Variants in ROBO2 observed in about 807,000 individuals in gnomAD.
The protein encoded by ROBO2 is roundabout guidance receptor 2.
In ROBO2, 53 loss-of-function variants were observed where a neutral mutation model predicts 160.8. The ratio of observed to expected loss-of-function variants is 0.33; its 90% CI spans 0.26 to 0.41. The LOEUF is 0.41. Ranked by LOEUF, ROBO2 falls within the 10% of genes least tolerant of loss-of-function variation. The pLI, the probability that ROBO2 is intolerant of heterozygous loss-of-function variation, is 1.00. For missense variants in ROBO2, 1,577 were observed against 1,722.4 expected (o/e 0.92, Z 1.49); for synonymous variants, 664 against 611.7 (o/e 1.09, Z -1.26).
At chr3:76,856,754 G>T (rs78909851) in intron 2 of ROBO2, among the ~76,000 whole-genome samples, 1 of 152,010 alleles carries the variant, frequency 6.6e-6, no homozygotes, top group Non-Finnish European at 1.5e-5. Context: ...CTATCTATTG[G>T]CTTGTATAAT....
chr3:77,516,115 C>G (rs2153621277), intron 5 of ROBO2, among the ~76,000 whole-genome samples: 1 of 151,574 alleles, frequency 6.6e-6, no homozygotes, highest in Middle Eastern at 3.4e-3. Context: ...GTTTTCTAGA[C>G]TTTAATGAAG....
intron 2 of ROBO2, among the ~76,000 whole-genome samples, chr3:76,043,042 A>T (rs1480791714): frequency 6.6e-6 from 1 of 151,930 alleles, no homozygotes; most frequent in Non-Finnish European, 1.5e-5. Flanking sequence ...CACCCTTAAT[A>T]GTTTCTGAGT....
chr3:76,526,931 C>T lies in ROBO2; in HGVS notation c.110-571083C>T, dbSNP rs372110095. Reference sequence around the variant, plus strand: ...AATGGTCAGAAGCCTATAAAACTACCATATTTGTTCCTTGTAAATTAAAAT... The same window carrying T: ...AATGGTCAGAAGCCTATAAAACTACTATATTTGTTCCTTGTAAATTAAAAT... On this transcript the variant is annotated intron_variant, in intron 2 of 26. Transcript: ENST00000487694. Among the ~76,000 whole-genome samples, 44 of 152,116 alleles carry T rather than the reference C, an allele frequency of 2.9e-4. 2 individuals carry two copies. Among genetic ancestry groups the T allele is most frequent in the South Asian group, 2.7e-3 (13 of 4,820 alleles).
chr3:77,149,073 T>G (rs2077349286), intron 2 of ROBO2, among the ~76,000 whole-genome samples: 2 of 148,192 alleles, frequency 1.3e-5, no homozygotes, highest in Non-Finnish European at 3.0e-5. Flanking sequence ...TCTCGCACTG[T>G]CACCCAGGCT....
intron 2 of ROBO2, among the ~76,000 whole-genome samples, chr3:76,192,670 A>T (rs1330735237): frequency 6.6e-6 from 1 of 151,714 alleles, no homozygotes; most frequent in Non-Finnish European, 1.5e-5. Flanking sequence ...CTATGTCTGG[A>T]TCTCTTTCTT....
chr3:77,127,691 A>G (rs1353980826), intron 2 of ROBO2, among the ~76,000 whole-genome samples: 1 of 152,194 alleles, frequency 6.6e-6, no homozygotes, highest in East Asian at 1.9e-4. Context: ...TTGACATTTT[A>G]TCTTTCCTAA....
At chr3:77,480,232 C>T (rs1257279830) in intron 3 of ROBO2, among the ~76,000 whole-genome samples, 3 of 151,562 alleles carry the variant, frequency 2.0e-5, no homozygotes, top group Non-Finnish European at 4.4e-5. Flanking sequence ...AGAAAACCAA[C>T]ATGTTCTTAT....
chr3:76,441,271 T>C (rs879865358), intron 2 of ROBO2, among the ~76,000 whole-genome samples: 1 of 152,212 alleles, frequency 6.6e-6, no homozygotes, highest in Non-Finnish European at 1.5e-5. Flanking sequence ...AGAATGTCTG[T>C]GGTACTATTC....
At chr3:76,593,938 C>T (rs1185439819) in intron 2 of ROBO2, among the ~76,000 whole-genome samples, 2 of 151,904 alleles carry the variant, frequency 1.3e-5, no homozygotes, top group Non-Finnish European at 2.9e-5. Flanking sequence ...TCATTAAAAA[C>T]ATAATTATTT....
intron 2 of ROBO2, among the ~76,000 whole-genome samples, chr3:76,900,433 C>A (rs2075131986): frequency 1.3e-5 from 2 of 152,136 alleles, no homozygotes; most frequent in Admixed American, 1.3e-4. Flanking sequence ...CATGATGTGA[C>A]AAGTTGCACG....
chr3:76,645,071 T>C (rs529889521), intron 2 of ROBO2, among the ~76,000 whole-genome samples: 2 of 152,324 alleles, frequency 1.3e-5, no homozygotes, highest in East Asian at 1.9e-4. Flanking sequence ...GGCTCTGTGC[T>C]CCATTGCTTC....
chr3:76,524,707 G>A (rs1182023865), intron 2 of ROBO2, among the ~76,000 whole-genome samples: 1 of 150,490 alleles, frequency 6.6e-6, no homozygotes, highest in African/African-American at 2.4e-5. Flanking sequence ...AGACTGCCAG[G>A]CAATTGTTTT....
At chr3:77,002,659 C>G (rs985584951) in intron 2 of ROBO2, among the ~76,000 whole-genome samples, 1 of 152,008 alleles carries the variant, frequency 6.6e-6, no homozygotes, top group Non-Finnish European at 1.5e-5. Flanking sequence ...TGTCTAAACA[C>G]TGGCAAATAA....
chr3:77,198,316 A>C (rs2082496070), intron 2 of ROBO2, among the ~76,000 whole-genome samples: 1 of 152,212 alleles, frequency 6.6e-6, no homozygotes, highest in East Asian at 1.9e-4. Context: ...ATTTAAGTTG[A>C]AACTCAAGGA....
chr3:76,865,671 T>C (rs545497718), intron 2 of ROBO2, among the ~76,000 whole-genome samples: 1 of 152,260 alleles, frequency 6.6e-6, no homozygotes, highest in South Asian at 2.1e-4. Flanking sequence ...TTGATATAAA[T>C]GTCACTGATA....
chr3:76,397,187 G>A (rs183400459), intron 2 of ROBO2, among the ~76,000 whole-genome samples: 18 of 152,264 alleles, frequency 1.2e-4, no homozygotes, highest in Non-Finnish European at 1.9e-4. Flanking sequence ...ACAACTATCT[G>A]ATCTTTGACA....
Position 77,376,872 on chromosome 3 carries a change from A to G in ROBO2, c.389-100542A>G, listed in dbSNP as rs115886005. On this transcript the variant is annotated intron_variant, in intron 2 of 25. Transcript: ENST00000461745. Reference sequence around the variant, plus strand: ...CCATTTCTACCCTTTCTATTATTCAATTGGTATAATTCTGACTAGCAGAAG... The same window carrying G: ...CCATTTCTACCCTTTCTATTATTCAGTTGGTATAATTCTGACTAGCAGAAG... Among the ~76,000 whole-genome samples, 329 of 152,254 alleles carry G rather than the reference A, an allele frequency of 2.2e-3. 4 individuals are homozygous for G. The highest frequency in any genetic ancestry group is 7.0e-3 in the African/African-American group (292 of 41,534).
chr3:76,700,827 C>A (rs1268020834), intron 2 of ROBO2, among the ~76,000 whole-genome samples: 2 of 152,094 alleles, frequency 1.3e-5, no homozygotes, highest in Non-Finnish European at 2.9e-5. Context: ...TCTACCCAGT[C>A]AGTCTTACAA....
At chr3:77,026,597 C>T (rs983914865) in intron 2 of ROBO2, among the ~76,000 whole-genome samples, 9 of 152,254 alleles carry the variant, frequency 5.9e-5, no homozygotes, top group Admixed American at 2.6e-4. Context: ...ATTATTGATA[C>T]GAGAGGTGAA....
Sources: gnomAD v4.1 joint callset for allele counts (sites outside exome capture counted in the v4.1 genomes callset) on GRCh38, gnomAD v4.1.1 for gene constraint, MANE v1.5 for transcripts, NCBI Gene and HGNC (gene_info 2026-07-23, HGNC 2026-07-21) for gene names.